Variants in SNX27 observed in about 807,000 individuals in gnomAD.
SNX27 encodes the protein sorting nexin 27.
Under a neutral mutation model 71.6 loss-of-function variants are expected in SNX27, and 22 were observed. That is an observed-to-expected ratio of 0.31 (90% confidence interval 0.22 to 0.44). The LOEUF is 0.44. Among genes scored for constraint, SNX27 ranks in the 20% least tolerant of loss-of-function variants. The pLI, the probability that SNX27 is intolerant of heterozygous loss-of-function variation, is 1.00. For synonymous variants in SNX27, 269 were observed against 277.2 expected (o/e 0.97, Z 0.29); for missense variants, 531 against 698.6 (o/e 0.76, Z 2.70).
Position 151,637,162 on chromosome 1 carries a change from G to GTTTT in SNX27, c.312-1722_312-1719dup, listed in dbSNP as rs1203944575. 8.0e-5 allele frequency among the ~76,000 whole-genome samples: 3 copies of GTTTT among 37,306 alleles called. 1 individual carries two copies. The highest frequency in any genetic ancestry group is 1.8e-4 in the African/African-American group (3 of 16,554). 24.5% of individuals were successfully genotyped at this position (37,306 alleles called of 152,430 possible). A position where few individuals can be genotyped will look rare whatever the true frequency, so the allele number is the denominator to read the frequency against. On this transcript the variant is annotated intron_variant, in intron 1 of 11. Transcript: ENST00000458013. ...GATCAGAGTTGATCACGTTTTTTTT[G>GTTTT]TTTTTTTGTTTTTTTTTTTTGAGAC...
At chr1:151,617,338 G>T (rs1667466519) in intron 1 of SNX27, among the ~76,000 whole-genome samples, 1 of 151,996 alleles carries the variant, frequency 6.6e-6, no homozygotes, top group Non-Finnish European at 1.5e-5. Context: ...GAGTGCAGTG[G>T]TGCGATCTCG....
Position 151,692,485 on chromosome 1 carries a change from C to T in SNX27, c.1290C>T (p.Pro430=), listed in dbSNP as rs764241666. 3.1e-6 allele frequency: 5 copies of T among 1,591,736 alleles called. No homozygotes were observed. The highest frequency in any genetic ancestry group is 1.1e-5 in the South Asian group (1 of 90,516). Residue 430 remains proline (P), a synonymous_variant, in exon 9 of 12, where the codon CCC becomes CCT. Coordinates refer to ENST00000458013, the MANE Select transcript of SNX27 (RefSeq NM_001330723.2). ...AGGGCTACAATGAAATCATCTTTCCCCACTGTGCCTGTGACTCCAGGAGGA... is the reference window on the plus strand; with the variant it reads ...AGGGCTACAATGAAATCATCTTTCCTCACTGTGCCTGTGACTCCAGGAGGA... ...TCEGYNEIIF[P]HCACDSRRKG... is the part of the protein sequence containing the mutation.
rs1180289838 is a variant in SNX27, at chr1:151,696,379, AGTC to A, written c.*1963_*1965del. 1 of 152,178 alleles carries A rather than the reference AGTC, an allele frequency of 6.6e-6. No homozygotes were observed. The highest frequency in any genetic ancestry group is 1.5e-5 in the Non-Finnish European group (1 of 68,034). 9.4% of individuals were successfully genotyped at this position (152,178 alleles called of 1,614,324 possible). Reference sequence around the variant, plus strand: ...CTGGGAGACAGTCATAATTGGTTGTAGTCAATTCTACTAAGCAGTGTTGGGGTG... The same window carrying A: ...CTGGGAGACAGTCATAATTGGTTGTAAATTCTACTAAGCAGTGTTGGGGTG... On this transcript the variant is annotated 3_prime_UTR_variant, in exon 12 of 12. Transcript: ENST00000458013.
intron 1 of SNX27, among the ~76,000 whole-genome samples, chr1:151,622,046 A>G (rs1185072336): frequency 6.6e-6 from 1 of 152,212 alleles, no homozygotes; most frequent in African/African-American, 2.4e-5. Context: ...TCATTTGGAA[A>G]AGGTCCGACT....
chr1:151,696,529 CTTTCT>C lies in SNX27; in HGVS notation c.*2115_*2119del, dbSNP rs1384183661. ...TCGTTCTTTCGTTCTTTCGTTCTTT[CTTTCT>C]TTCTTTCTTTCTCTTTCTTTCTTTT... On this transcript the variant is annotated 3_prime_UTR_variant, in exon 12 of 12. Transcript: ENST00000458013. The C allele has an allele frequency of 5.6e-5, 8 of 142,212 alleles. No individual in the cohort carries two copies. The East Asian group carries it at 1.6e-3, about 28-fold the overall frequency. 8.8% of individuals were successfully genotyped at this position (142,212 alleles called of 1,614,324 possible).
intron 1 of SNX27, among the ~76,000 whole-genome samples, chr1:151,620,915 C>T (rs927241216): frequency 6.6e-6 from 1 of 152,170 alleles, no homozygotes; most frequent in Non-Finnish European, 1.5e-5. Context: ...TGGTCTTGAA[C>T]TCATGACCTC....
chr1:151,658,552 A>T lies in SNX27; in HGVS notation c.736+125A>T. Reference sequence around the variant, plus strand: ...ATGTAAGTCAGGTTTCTGACTAAGTATTGAATGATCTGAACTTTGAAGGCA... The same window carrying T: ...ATGTAAGTCAGGTTTCTGACTAAGTTTTGAATGATCTGAACTTTGAAGGCA... On this transcript the variant is annotated intron_variant, in intron 3 of 11. Transcript: ENST00000458013. 9 of 951,704 alleles carry T rather than the reference A, an allele frequency of 9.5e-6. No homozygotes were observed. In the South Asian group the frequency reaches 1.6e-4, roughly 16 times the overall value. The allele number at this position is 951,704 out of a possible 1,614,324, so 59.0% of individuals were successfully genotyped here.
At chr1:151,693,871 C>T (rs1020023741) in intron 11 of SNX27, 9 of 1,405,016 alleles carry the variant, frequency 6.4e-6, no homozygotes, top group East Asian at 5.1e-5. Context: ...TCTTTCTAGG[C>T]GAACCAAGAA....
At chr1:151,671,132 C>T (rs1670436319) in intron 7 of SNX27, among the ~76,000 whole-genome samples, 1 of 151,936 alleles carries the variant, frequency 6.6e-6, no homozygotes, top group African/African-American at 2.4e-5. Context: ...TATTGTGTTC[C>T]ATCGGTCTGT....
chr1:151,691,620 G>T (rs1671455013), intron 8 of SNX27, among the ~76,000 whole-genome samples: 1 of 151,716 alleles, frequency 6.6e-6, no homozygotes, highest in Non-Finnish European at 1.5e-5. Context: ...ACAGGCATGT[G>T]CCACCATGCT....
At chr1:151,667,826 C>CAAAA (rs138979420) in intron 6 of SNX27, among the ~76,000 whole-genome samples, 1 of 74,190 alleles carries the variant, frequency 1.3e-5, no homozygotes, top group Admixed American at 1.7e-4. Flanking sequence ...GACTCCGTCT[C>CAAAA]AAAAAAAAAA....
At chr1:151,625,212 A>G (rs886838075) in intron 1 of SNX27, among the ~76,000 whole-genome samples, 6 of 152,192 alleles carry the variant, frequency 3.9e-5, no homozygotes, top group Admixed American at 6.5e-5. Context: ...GGTGCTTTAA[A>G]AATACTGGTG....
intron 2 of SNX27, among the ~76,000 whole-genome samples, chr1:151,647,992 TAAA>T: frequency 6.8e-6 from 1 of 146,782 alleles, no homozygotes; most frequent in African/African-American, 2.5e-5. Context: ...TTTAAGAAGT[TAAA>T]AAAAAAAACA....
chr1:151,629,636 T>G (rs1668123988), intron 1 of SNX27, among the ~76,000 whole-genome samples: 1 of 149,306 alleles, frequency 6.7e-6, no homozygotes, highest in Non-Finnish European at 1.5e-5. Flanking sequence ...CAGGCTGGAG[T>G]GCAGTGGGGC....
chr1:151,696,517 C>CT lies in SNX27; in HGVS notation c.*2103dup. ...TCTTTCTTTCTTTCGTTCTTTCGTT[C>CT]TTTCGTTCTTTCTTTCTTTCTTTCT... is the stretch of plus-strand genomic sequence containing the variant. On this transcript the variant is annotated 3_prime_UTR_variant, in exon 12 of 12. Transcript: ENST00000458013. The CT allele has an allele frequency of 7.0e-6, 1 of 142,720 alleles. No homozygotes were observed. Among genetic ancestry groups the CT allele is most frequent in the East Asian group, 2.0e-4 (1 of 5,046 alleles). The allele number at this position is 142,720 out of a possible 1,614,324, so 8.8% of individuals were successfully genotyped here.
At chr1:151,654,500 A>G (rs564545891) in intron 2 of SNX27, among the ~76,000 whole-genome samples, 19 of 151,966 alleles carry the variant, frequency 1.3e-4, no homozygotes, top group Non-Finnish European at 2.8e-4. Flanking sequence ...CCCCAGGGGT[A>G]TAGAGTATTT....
In SNX27 at chr1:151,658,405, A is replaced by G. The variant is rs778614611; in HGVS notation, c.714A>G (p.Gly238=). 1 of 1,614,038 alleles carries G rather than the reference A, an allele frequency of 6.2e-7. No individual in the cohort carries two copies. The highest frequency in any genetic ancestry group is 1.1e-5 in the South Asian group (1 of 91,074). ...SEQQLDARRR[G]LEEYLEKVCS... ...AACAATTAGATGCCCGACGTCGGGG[A>G]TTGGAAGAATATCTAGAAAAAGGTA... The change falls in exon 3 of 12, where the codon GGA becomes GGG. Residue 238 remains glycine (G), a synonymous_variant. Transcript: ENST00000458013.
intron 1 of SNX27, among the ~76,000 whole-genome samples, chr1:151,637,161 TG>T (rs56878884): frequency 0.56 from 52,849 of 94,234 alleles, 15,294 homozygotes; most frequent in Non-Finnish European, 0.72. Context: ...ACGTTTTTTT[TG>T]TTTTTTTGTT....
chr1:151,687,220 G>C (rs1451411327), intron 8 of SNX27, among the ~76,000 whole-genome samples: 3 of 152,062 alleles, frequency 2.0e-5, no homozygotes, highest in African/African-American at 7.2e-5. Context: ...TGCCCTTGTT[G>C]AACAGATAAA....
Sources: gnomAD v4.1 joint callset for allele counts (sites outside exome capture counted in the v4.1 genomes callset) on GRCh38, gnomAD v4.1.1 for gene constraint, MANE v1.5 for transcripts, NCBI Gene and HGNC (gene_info 2026-07-23, HGNC 2026-07-21) for gene names.